TTC23L: variants seen among roughly 807,000 people sequenced by gnomAD.
TTC23L encodes tetratricopeptide repeat protein 23-like.
In TTC23L, 42 loss-of-function variants were observed where a neutral mutation model predicts 48.1. The observed-to-expected ratio is 0.87, with a 90% confidence interval of 0.68 to 1.13. TTC23L has a LOEUF of 1.13. TTC23L is among the 50% of genes most tolerant of loss of function. The pLI is 0.00. For missense variants in TTC23L, 391 were observed against 421.0 expected (o/e 0.93, Z 0.62); for synonymous variants, 159 against 157.2 (o/e 1.01, Z -0.09).
the TTC23L span, chr5:34,925,220 T>A: frequency 1.3e-6 from 2 of 1,533,422 alleles, no homozygotes; most frequent in Non-Finnish European, 1.7e-6. Flanking sequence ...TTTTTTTTTT[T>A]TTTAGCATCG....
downstream of TTC23L, chr5:34,902,517 A>T (rs975655014): frequency 8.0e-5 from 16 of 200,130 alleles, no homozygotes; most frequent in East Asian, 2.0e-3. Flanking sequence ...TGCTTACAGA[A>T]CCACATTTTG....
intron 8 of TTC23L, among the ~76,000 whole-genome samples, chr5:34,874,150 TAAAG>T (rs757283480): frequency 2.0e-5 from 3 of 151,824 alleles, no homozygotes; most frequent in Non-Finnish European, 2.9e-5. Context: ...GACAGCAAAA[TAAAG>T]AGAATCACAA....
chr5:34,856,956 GAGA>G (rs1760187950), intron 4 of TTC23L, among the ~76,000 whole-genome samples: 1 of 152,228 alleles, frequency 6.6e-6, no homozygotes, highest in African/African-American at 2.4e-5. Context: ...GATTTTACAA[GAGA>G]AGGAGATGCA....
the TTC23L span, chr5:34,921,164 T>A: frequency 6.6e-6 from 1 of 152,180 alleles, no homozygotes; most frequent in South Asian, 2.1e-4. Context: ...TTTAAAGTCT[T>A]AAATAATGTG....
chr5:34,896,672 T>C, intron 9 of TTC23L, 98 bp from the exon 10 acceptor site: 1 of 721,648 alleles, frequency 1.4e-6, no homozygotes, highest in Admixed American at 2.0e-5. Flanking sequence ...GAAATTTAAG[T>C]TCTGGAATAG....
chr5:34,877,405 T>C (rs947435795), intron 8 of TTC23L, among the ~76,000 whole-genome samples: 6 of 149,554 alleles, frequency 4.0e-5, no homozygotes, highest in African/African-American at 1.5e-4. Context: ...AACACTATTA[T>C]TCTTTTTTCT....
At position 34,863,163 on chromosome 5, in the gene TTC23L, C is replaced by G; in HGVS notation, c.536+109C>G. On this transcript the variant is annotated intron_variant, in intron 5 of 10. Coordinates refer to ENST00000505624, the Ensembl canonical transcript of TTC23L. This position sits in a 1 kb window ranked among gnomAD's most constrained non-coding sequence, Gnocchi z 4.1. Reference sequence around the variant, plus strand: ...GAGATGGAACCAAGGCCTTGTAGATCTGTTCCAACATCAAGGCCCTCCATG... The same window carrying G: ...GAGATGGAACCAAGGCCTTGTAGATGTGTTCCAACATCAAGGCCCTCCATG... The G allele has an allele frequency of 7.1e-7, 1 of 1,408,974 alleles. No homozygotes were observed. The allele number at this position is 1,408,974 out of a possible 1,614,324, so 87.3% of individuals were successfully genotyped here.
the TTC23L span, chr5:34,913,831 T>C: frequency 1.9e-6 from 1 of 517,936 alleles, no homozygotes; most frequent in South Asian, 1.8e-5. Flanking sequence ...CTAAGGTCAC[T>C]TGGAAAATAG....
the TTC23L span, chr5:34,922,778 T>C: frequency 5.0e-6 from 8 of 1,611,394 alleles, no homozygotes; most frequent in Non-Finnish European, 5.9e-6. Flanking sequence ...TGTAAGTTTC[T>C]CATTCAGTGT....
intron 4 of TTC23L, among the ~76,000 whole-genome samples, chr5:34,860,348 A>T (rs1470886022): frequency 1.3e-5 from 2 of 152,184 alleles, no homozygotes; most frequent in Non-Finnish European, 2.9e-5. Context: ...ACTCTTGAAA[A>T]ACAAGATGAG....
At chr5:34,906,989 A>C in the TTC23L span, 1 of 152,212 alleles carries the variant, frequency 6.6e-6, no homozygotes, top group Non-Finnish European at 1.5e-5. Context: ...CAAACATTTT[A>C]GAAAATTCCA....
chr5:34,841,573 A>G (rs1758676171), intron 2 of TTC23L, among the ~76,000 whole-genome samples: 1 of 152,204 alleles, frequency 6.6e-6, no homozygotes, highest in Admixed American at 6.5e-5. Context: ...GCTGGAGTGC[A>G]GTGGTGCAAT....
At chr5:34,924,623 A>T in the TTC23L span, among the ~76,000 whole-genome samples, 1 of 152,190 alleles carries the variant, frequency 6.6e-6, no homozygotes, top group Non-Finnish European at 1.5e-5. Flanking sequence ...TAATTACTCA[A>T]TTTTAAAAGA....
the TTC23L span, among the ~76,000 whole-genome samples, chr5:34,904,747 C>T: frequency 6.6e-6 from 1 of 152,148 alleles, no homozygotes; most frequent in Non-Finnish European, 1.5e-5. Context: ...TAGTCAGCCA[C>T]GGCAACCAAA....
At chr5:34,857,821 T>C (rs1465346773) in intron 4 of TTC23L, among the ~76,000 whole-genome samples, 2 of 152,180 alleles carry the variant, frequency 1.3e-5, no homozygotes, top group African/African-American at 4.8e-5. Context: ...ATAAGGATGT[T>C]CAAGTCATAA....
intron 9 of TTC23L, chr5:34,880,712 C>A: frequency 2.8e-6 from 1 of 352,026 alleles, no homozygotes; most frequent in South Asian, 2.2e-5. Flanking sequence ...GATCTCGGCT[C>A]ACTGCAACCT....
chr5:34,854,539 T>C (rs1159527982), intron 4 of TTC23L, among the ~76,000 whole-genome samples: 1 of 152,120 alleles, frequency 6.6e-6, no homozygotes, highest in Admixed American at 6.5e-5. Flanking sequence ...CTCCACTCAG[T>C]GTTGTTGTCA....
chr5:34,846,666 TATGTGTGTGTGTGTGTGTGTG>T (rs1759218757), intron 3 of TTC23L, among the ~76,000 whole-genome samples: 1 of 61,802 alleles, frequency 1.6e-5, no homozygotes, highest in South Asian at 9.4e-4. Flanking sequence ...TATATGTGTG[TATGTGTGTGTGTGTGTGTGTG>T]TGTGTGTGTG....
At chr5:34,873,535 T>G (rs535897181) in intron 8 of TTC23L, among the ~76,000 whole-genome samples, 2 of 152,150 alleles carry the variant, frequency 1.3e-5, no homozygotes, top group East Asian at 3.9e-4. Context: ...GAGGCAGACT[T>G]AATATGATGA....
Sources: allele counts gnomAD v4.1 joint callset (sites outside exome capture counted in the v4.1 genomes callset), GRCh38; gene constraint gnomAD v4.1.1; non-coding constraint Gnocchi (gnomAD v3.1); transcripts MANE v1.5; gene names NCBI Gene and HGNC (gene_info 2026-07-23, HGNC 2026-07-21).